The following SRFBP1 variants were observed in gnomAD, a reference collection of about 807,000 sequenced individuals.
SRFBP1 encodes the protein serum response factor-binding protein 1.
A neutral mutation model predicts 45.5 loss-of-function variants in SRFBP1; 47 were observed. That is an observed-to-expected ratio of 1.03 (90% CI 0.82 to 1.32). The LOEUF is 1.32. SRFBP1 is among the 40% of genes most tolerant of loss of function. The pLI, the probability that SRFBP1 is intolerant of heterozygous loss-of-function variation, is 0.00. For missense variants in SRFBP1, 621 were observed against 484.6 expected, an observed-to-expected ratio of 1.28 and a Z score of -2.64; for synonymous variants, 203 against 166.3, an observed-to-expected ratio of 1.22 and a Z score of -1.70.
At chr5:121,965,663 G>C (rs2112809693) in intron 1 of SRFBP1, among the ~76,000 whole-genome samples, 1 of 152,200 alleles carries the variant, frequency 6.6e-6, no homozygotes, top group East Asian at 1.9e-4. Context: ...GGATTGTCTT[G>C]GCTATGCAGG....
At chr5:121,998,016 A>G (rs1014960024) in intron 4 of SRFBP1, among the ~76,000 whole-genome samples, 2 of 151,926 alleles carry the variant, frequency 1.3e-5, no homozygotes, top group African/African-American at 2.4e-5. Context: ...TCAGGAAACA[A>G]CAGGTGCTGG....
At chr5:122,069,468 T>C (rs1189691713) in intron 2 of SRFBP1, among the ~76,000 whole-genome samples, 2 of 152,124 alleles carry the variant, frequency 1.3e-5, no homozygotes, top group African/African-American at 2.4e-5. Flanking sequence ...TGAATAGATA[T>C]CTTCCAGTAT....
At chr5:121,971,437 A>AC (rs1034683519) in intron 1 of SRFBP1, among the ~76,000 whole-genome samples, 7 of 151,612 alleles carry the variant, frequency 4.6e-5, no homozygotes, top group African/African-American at 1.7e-4. Context: ...GAAATATGAA[A>AC]CCCCCCCTCC....
rs1229933673 is a variant in SRFBP1, at chr5:121,962,019, T to G, written c.-14T>G. On this transcript the variant is annotated 5_prime_UTR_variant, in exon 1 of 8. Transcript: ENST00000339397. ...CACGTGCAGGCAGCGGCGGATCATA[T>G]TCCTTCATCTACCATGGCTCAGCCG... The G allele has an allele frequency of 1.2e-6, 2 of 1,613,560 alleles. No homozygotes were observed. The highest frequency in any genetic ancestry group is 2.2e-5 in the East Asian group (1 of 44,852).
chr5:121,984,214 C>T (rs960057359), intron 3 of SRFBP1, among the ~76,000 whole-genome samples: 1 of 151,748 alleles, frequency 6.6e-6, no homozygotes, highest in African/African-American at 2.4e-5. Flanking sequence ...GGGCATATGT[C>T]ATAATGGATG....
At chr5:122,051,530 T>C (rs549128095) in intron 2 of SRFBP1, among the ~76,000 whole-genome samples, 22 of 152,222 alleles carry the variant, frequency 1.4e-4, no homozygotes, top group African/African-American at 5.3e-4. Flanking sequence ...TTTTTTTTTT[T>C]TAATCATTGT....
chr5:121,989,156 C>T (rs955741117), intron 3 of SRFBP1, among the ~76,000 whole-genome samples: 10 of 152,042 alleles, frequency 6.6e-5, no homozygotes, highest in Non-Finnish European at 1.3e-4. Flanking sequence ...CTCCACCTCC[C>T]AGGTTCAAGC....
At chr5:122,036,796 C>T (rs534485122) in intron 2 of SRFBP1, among the ~76,000 whole-genome samples, 4 of 152,086 alleles carry the variant, frequency 2.6e-5, no homozygotes, top group Non-Finnish European at 5.9e-5. Context: ...CTAGGTTTTG[C>T]CCCATGTACC....
intron 1 of SRFBP1, among the ~76,000 whole-genome samples, chr5:121,966,199 C>G (rs1752060347): frequency 6.6e-6 from 1 of 152,072 alleles, no homozygotes; most frequent in South Asian, 2.1e-4. Context: ...GCCTGATTAC[C>G]CCGGCCAGAA....
In SRFBP1 at chr5:121,969,021, A is replaced by G. The variant is rs146212138; in HGVS notation, c.37-5175A>G. ...GGCTAACTGGTTGGCCAACTATCACATAGCCAGCCAAAAGTCAATTCAAGT... is the reference window on the plus strand; with the variant it reads ...GGCTAACTGGTTGGCCAACTATCACGTAGCCAGCCAAAAGTCAATTCAAGT... On this transcript the variant is annotated intron_variant, in intron 1 of 7. Transcript: ENST00000339397. 2.3e-3 allele frequency among the ~76,000 whole-genome samples: 343 copies of G among 152,302 alleles called. 4 individuals are homozygous for G. The highest frequency in any genetic ancestry group is 7.8e-3 in the African/African-American group (324 of 41,568).
intron 4 of SRFBP1, among the ~76,000 whole-genome samples, chr5:122,016,575 G>C (rs935247328): frequency 6.6e-6 from 1 of 152,042 alleles, no homozygotes; most frequent in Non-Finnish European, 1.5e-5. Context: ...ATTGTTTTCA[G>C]TCTTCTTAGC....
intron 1 of SRFBP1, among the ~76,000 whole-genome samples, chr5:121,967,289 T>C (rs996775234): frequency 6.6e-6 from 1 of 152,202 alleles, no homozygotes; most frequent in Admixed American, 6.5e-5. Context: ...CGTGATTAGG[T>C]GCATAGTACT....
chr5:122,027,225 A>T lies in SRFBP1; in HGVS notation c.*99A>T, dbSNP rs771176630. On this transcript the variant is annotated 3_prime_UTR_variant, in exon 8 of 8. Transcript: ENST00000339397. ...GCCCAGACTAGAGTACAATATTGCA[A>T]TCACAGCTCACTGCAGCCTCAAACT... 1.0e-5 allele frequency: 10 copies of T among 966,812 alleles called. No homozygotes were observed. Among genetic ancestry groups the T allele is most frequent in the Admixed American group, 5.7e-5 (2 of 34,824 alleles). The allele number at this position is 966,812 out of a possible 1,614,324, so 59.9% of individuals were successfully genotyped here.
chr5:122,031,208 A>G (rs1191492105), downstream of SRFBP1, among the ~76,000 whole-genome samples: 1 of 152,214 alleles, frequency 6.6e-6, no homozygotes, highest in Non-Finnish European at 1.5e-5. Context: ...AAGAATATAG[A>G]CTTTACAAAT....
At chr5:122,062,324 C>G (rs986193607) in intron 2 of SRFBP1, among the ~76,000 whole-genome samples, 1 of 151,840 alleles carries the variant, frequency 6.6e-6, no homozygotes, top group Non-Finnish European at 1.5e-5. Context: ...CAAATTACTA[C>G]GATGAAAGTG....
chr5:122,003,233 T>G (rs1010710022), intron 4 of SRFBP1, among the ~76,000 whole-genome samples: 1 of 151,356 alleles, frequency 6.6e-6, no homozygotes, highest in Admixed American at 6.6e-5. Context: ...TAGTCTCAAC[T>G]ACTCAGGAGG....
At chr5:122,035,971 G>A (rs893337079) in intron 2 of SRFBP1, among the ~76,000 whole-genome samples, 2 of 152,174 alleles carry the variant, frequency 1.3e-5, no homozygotes, top group South Asian at 4.1e-4. Context: ...CTCTCCTACA[G>A]TGAATCTACA....
intron 2 of SRFBP1, among the ~76,000 whole-genome samples, chr5:122,056,811 C>T (rs1156910193): frequency 6.6e-6 from 1 of 152,106 alleles, no homozygotes; most frequent in Admixed American, 6.6e-5. Context: ...AAGGTAAAGT[C>T]CCTCTGTGTC....
At chr5:122,028,824 A>G (rs1031573746), downstream of SRFBP1, among the ~76,000 whole-genome samples, 1 of 152,196 alleles carries the variant, frequency 6.6e-6, no homozygotes. Context: ...TATCCTCCAC[A>G]CTGCTGAGTC....
Sources: gnomAD v4.1 joint callset for allele counts (sites outside exome capture counted in the v4.1 genomes callset) on GRCh38, gnomAD v4.1.1 for gene constraint, MANE v1.5 for transcripts, NCBI Gene and HGNC (gene_info 2026-07-23, HGNC 2026-07-21) for gene names.